Variants in ADGRL2 observed in about 807,000 individuals in gnomAD.
ADGRL2 encodes calcium-independent alpha-latrotoxin receptor 2.
In ADGRL2, 44 loss-of-function variants were observed where a neutral mutation model predicts 157.4. The ratio of observed to expected loss-of-function variants is 0.28; its 90% CI spans 0.22 to 0.36. The LOEUF is 0.36. Ranked by LOEUF, ADGRL2 falls within the 10% of genes least tolerant of loss-of-function variation. ADGRL2 has a pLI of 1.00. For synonymous variants in ADGRL2, 585 were observed against 624.7 expected, an observed-to-expected ratio of 0.94 and a Z score of 0.95; for missense variants, 1,510 against 1,768.9, an observed-to-expected ratio of 0.85 and a Z score of 2.63.
intron 3 of ADGRL2, among the ~76,000 whole-genome samples, chr1:81,615,592 C>T (rs929927524): frequency 3.9e-5 from 6 of 152,242 alleles, no homozygotes; most frequent in East Asian, 1.9e-4. Flanking sequence ...ACACTCACCG[C>T]GAGGGTCTGC....
At chr1:81,781,677 A>C (rs115183682) in intron 2 of ADGRL2, among the ~76,000 whole-genome samples, 3,360 of 152,260 alleles carry the variant, frequency 0.022, 67 homozygotes, top group Non-Finnish European at 0.032. Context: ...AAGGATATAG[A>C]ACTTGGATCC....
chr1:81,651,739 G>A (rs2082424297), intron 3 of ADGRL2, among the ~76,000 whole-genome samples: 2 of 152,108 alleles, frequency 1.3e-5, no homozygotes, highest in Admixed American at 6.5e-5. Flanking sequence ...TTGTTTGTTT[G>A]TGTTTGTTTT....
At chr1:81,570,073 A>T (rs2080651868) in intron 2 of ADGRL2, among the ~76,000 whole-genome samples, 1 of 152,152 alleles carries the variant, frequency 6.6e-6, no homozygotes, top group African/African-American at 2.4e-5. Context: ...AAGTCACAAC[A>T]TCATAGTCCC....
chr1:81,893,328 T>A (rs891785598), intron 2 of ADGRL2, among the ~76,000 whole-genome samples: 3 of 152,210 alleles, frequency 2.0e-5, no homozygotes, highest in African/African-American at 7.2e-5. Context: ...CTTGTATTTT[T>A]CTTTTTTTCT....
intron 3 of ADGRL2, among the ~76,000 whole-genome samples, chr1:81,660,192 A>C (rs1026469418): frequency 1.3e-5 from 2 of 152,216 alleles, no homozygotes; most frequent in Non-Finnish European, 2.9e-5. Flanking sequence ...GTCTAAGGGG[A>C]TAGATGACAA....
At chr1:81,428,915 T>G (rs1021328073) in intron 1 of ADGRL2, among the ~76,000 whole-genome samples, 2 of 152,108 alleles carry the variant, frequency 1.3e-5, no homozygotes, top group Non-Finnish European at 2.9e-5. Context: ...TGAGGCTGCT[T>G]CTTTATTTCA....
chr1:81,647,939 C>T (rs2082345322), intron 3 of ADGRL2, among the ~76,000 whole-genome samples: 1 of 152,186 alleles, frequency 6.6e-6, no homozygotes, highest in Non-Finnish European at 1.5e-5. Context: ...GGTAAAATTG[C>T]AGCCACTGAT....
chr1:81,326,735 T>G lies in ADGRL2; in HGVS notation c.-302+20226T>G, dbSNP rs564819261. On this transcript the variant is annotated intron_variant, in intron 1 of 24. Coordinates refer to the ADGRL2 transcript ENST00000370721. ...TCCACAGCAGAAATACTGTAATCAATCCAGACAGTTATATCTTCAGTTCCT... is the reference window on the plus strand; with the variant it reads ...TCCACAGCAGAAATACTGTAATCAAGCCAGACAGTTATATCTTCAGTTCCT... Among the ~76,000 whole-genome samples the G allele has an allele frequency of 2.0e-5, 3 of 152,282 alleles. No individual in the cohort carries two copies. In the South Asian group the frequency reaches 6.2e-4, roughly 32 times the overall value.
intron 3 of ADGRL2, among the ~76,000 whole-genome samples, chr1:81,650,032 G>A (rs1413411758): frequency 6.7e-6 from 1 of 148,162 alleles, no homozygotes; most frequent in Non-Finnish European, 1.5e-5. Flanking sequence ...ATTTGTGGGT[G>A]ATAAAAGTAT....
At chr1:81,436,790 T>C (rs1024010128) in intron 1 of ADGRL2, among the ~76,000 whole-genome samples, 2 of 152,268 alleles carry the variant, frequency 1.3e-5, no homozygotes, top group Non-Finnish European at 2.9e-5. Context: ...TGTTGTCACC[T>C]ATCAGGACCT....
At chr1:81,318,654 A>T (rs935420812) in intron 1 of ADGRL2, among the ~76,000 whole-genome samples, 1 of 152,204 alleles carries the variant, frequency 6.6e-6, no homozygotes, top group African/African-American at 2.4e-5. Context: ...GCATGAATCC[A>T]GGGTTTCTTT....
At chr1:81,818,571 T>C (rs893897778) in intron 1 of ADGRL2, among the ~76,000 whole-genome samples, 3 of 152,182 alleles carry the variant, frequency 2.0e-5, no homozygotes, top group Admixed American at 6.6e-5. Flanking sequence ...ATCCTACTTA[T>C]AAGCATATTA....
At chr1:81,363,591 C>T (rs2076014664) in intron 1 of ADGRL2, among the ~76,000 whole-genome samples, 1 of 152,182 alleles carries the variant, frequency 6.6e-6, no homozygotes, top group African/African-American at 2.4e-5. Context: ...GACAAATGTC[C>T]TCCACTATGC....
intron 1 of ADGRL2, chr1:81,721,735 G>A (rs2084329676): frequency 7.0e-7 from 1 of 1,419,600 alleles, no homozygotes; most frequent in South Asian, 1.1e-5. Context: ...TTGTGAAAAT[G>A]TGTAAGCAGG....
chr1:81,602,010 C>A (rs1356223155), intron 3 of ADGRL2, among the ~76,000 whole-genome samples: 1 of 152,158 alleles, frequency 6.6e-6, no homozygotes, highest in Non-Finnish European at 1.5e-5. Context: ...CAGCCAGGCA[C>A]CATTCCGAAT....
chr1:81,853,035 A>G (rs527921521), intron 2 of ADGRL2, among the ~76,000 whole-genome samples: 2 of 152,256 alleles, frequency 1.3e-5, no homozygotes, highest in South Asian at 4.1e-4. Flanking sequence ...GCTGGTCCAG[A>G]GGAGAGGCTC....
intron 1 of ADGRL2, among the ~76,000 whole-genome samples, chr1:81,757,174 C>T (rs1179648032): frequency 6.6e-6 from 1 of 152,086 alleles, no homozygotes; most frequent in Non-Finnish European, 1.5e-5. Context: ...GCTAGCAAAA[C>T]CTCAGCAGGA....
At chr1:81,758,660 A>G (rs2085770405) in intron 1 of ADGRL2, among the ~76,000 whole-genome samples, 1 of 152,186 alleles carries the variant, frequency 6.6e-6, no homozygotes, top group Non-Finnish European at 1.5e-5. Flanking sequence ...CCTTTTCTAC[A>G]ATGTTGTCTC....
chr1:81,857,970 G>C (rs2093261941), intron 2 of ADGRL2, among the ~76,000 whole-genome samples: 1 of 151,948 alleles, frequency 6.6e-6, no homozygotes, highest in East Asian at 1.9e-4. Context: ...AATGGCCCTT[G>C]AAAATGTATG....
Sources: allele counts gnomAD v4.1 joint callset (sites outside exome capture counted in the v4.1 genomes callset), GRCh38; gene constraint gnomAD v4.1.1; transcripts MANE v1.5; gene names NCBI Gene and HGNC (gene_info 2026-07-23, HGNC 2026-07-21).